Variants in ZNF704 observed in about 807,000 individuals in gnomAD.
ZNF704 encodes the protein zinc finger protein 704, also known as glucocorticoid induced gene 1.
In ZNF704, 10 loss-of-function variants were observed where a neutral mutation model predicts 44.7. The observed-to-expected ratio is 0.22, with a 90% CI of 0.14 to 0.38. The LOEUF is 0.38. Ranked by LOEUF, ZNF704 falls within the 10% of genes least tolerant of loss-of-function variation. The pLI is 1.00. For missense variants in ZNF704, 390 were observed against 545.5 expected (o/e 0.71, Z 2.84); for synonymous variants, 211 against 207.6 (o/e 1.02, Z -0.14).
intron 1 of ZNF704, among the ~76,000 whole-genome samples, chr8:80,823,597 G>A (rs1166521021): frequency 1.3e-5 from 2 of 152,208 alleles, no homozygotes; most frequent in Non-Finnish European, 2.9e-5. Context: ...CGGAGTGTGA[G>A]ATCTGCAAAC....
rs1415758752 is a variant in ZNF704 at position 80,628,757 on chromosome 8, C to T, written c.*12609G>A. The T allele has an allele frequency of 2.6e-5, 4 of 152,182 alleles. No individual in the cohort carries two copies. Among genetic ancestry groups the T allele is most frequent in the African/African-American group, 7.2e-5 (3 of 41,450 alleles). The allele number at this position is 152,182 out of a possible 1,614,324, so 9.4% of individuals were successfully genotyped here. On this transcript the variant is annotated 3_prime_UTR_variant, in exon 9 of 9. Transcript: ENST00000327835. ...TTACTAAAGTGATTCTGACTATAAG[C>T]CTTTTCTTCTACTTAAATGCTTCCA...
intron 2 of ZNF704, among the ~76,000 whole-genome samples, chr8:80,792,388 C>T (rs112944229): frequency 1.3e-5 from 2 of 152,138 alleles, no homozygotes; most frequent in Admixed American, 6.5e-5. Context: ...ATACACAAGG[C>T]TTGGCTACAG....
intron 1 of ZNF704, among the ~76,000 whole-genome samples, chr8:80,862,778 A>G (rs141766550): frequency 0.053 from 7,790 of 148,128 alleles, 226 homozygotes; most frequent in Middle Eastern, 0.13. Flanking sequence ...AAAAAAAAAA[A>G]AAAAAAAAAA....
intron 1 of ZNF704, among the ~76,000 whole-genome samples, chr8:80,852,799 C>A (rs1174157453): frequency 6.6e-6 from 1 of 152,146 alleles, no homozygotes. Flanking sequence ...ATTTATGTTT[C>A]TCACTGAATT....
At chr8:80,798,939 AC>A (rs1807854927) in intron 2 of ZNF704, among the ~76,000 whole-genome samples, 2 of 152,184 alleles carry the variant, frequency 1.3e-5, no homozygotes, top group Non-Finnish European at 2.9e-5. Flanking sequence ...GGAACTCTTT[AC>A]AGAGTCCCAA....
chr8:80,717,249 C>T (rs1468245204), intron 2 of ZNF704, among the ~76,000 whole-genome samples: 5 of 152,220 alleles, frequency 3.3e-5, no homozygotes, highest in African/African-American at 1.2e-4. Flanking sequence ...CTCTGCCACA[C>T]CACCATTCAC....
intron 2 of ZNF704, among the ~76,000 whole-genome samples, chr8:80,780,531 G>T (rs1807505455): frequency 6.6e-6 from 1 of 152,054 alleles, no homozygotes; most frequent in Non-Finnish European, 1.5e-5. Flanking sequence ...GGTCTTTGTA[G>T]CTTTGCTGAT....
chr8:80,734,123 T>C (rs893101040), intron 2 of ZNF704, among the ~76,000 whole-genome samples: 4 of 152,324 alleles, frequency 2.6e-5, no homozygotes, highest in Admixed American at 2.0e-4. Flanking sequence ...GAAACCACTA[T>C]TGATAGAAAC....
chr8:80,709,491 G>C (rs920432175), intron 2 of ZNF704, among the ~76,000 whole-genome samples: 27 of 138,388 alleles, frequency 2.0e-4, no homozygotes, highest in African/African-American at 7.0e-4. Flanking sequence ...TGGCATGTCA[G>C]TTTGACTCTT....
At chr8:80,796,655 T>G (rs1807805507) in intron 2 of ZNF704, among the ~76,000 whole-genome samples, 1 of 152,110 alleles carries the variant, frequency 6.6e-6, no homozygotes, top group Non-Finnish European at 1.5e-5. Flanking sequence ...AGTTATCTAC[T>G]TCCAAGATAC....
intron 4 of ZNF704, among the ~76,000 whole-genome samples, chr8:80,682,184 G>A (rs1818464381): frequency 6.6e-6 from 1 of 152,156 alleles, no homozygotes; most frequent in Non-Finnish European, 1.5e-5. Context: ...AGGGTTTTAC[G>A]GGTTTGTTTT....
the ZNF704 span, among the ~76,000 whole-genome samples, chr8:80,880,790 G>A: frequency 6.6e-6 from 1 of 152,276 alleles, no homozygotes; most frequent in Middle Eastern, 3.4e-3. Flanking sequence ...TTTCACAAAA[G>A]ACACCATTAA....
chr8:80,861,615 C>G (rs894753247), intron 1 of ZNF704, among the ~76,000 whole-genome samples: 1 of 151,996 alleles, frequency 6.6e-6, no homozygotes, highest in Non-Finnish European at 1.5e-5. Context: ...GAGACAGAGA[C>G]AGACAGAGAA....
intron 7 of ZNF704, 144 bp downstream of exon 7, chr8:80,659,441 G>A: frequency 1.4e-6 from 1 of 700,552 alleles, no homozygotes; most frequent in Non-Finnish European, 2.5e-6. Context: ...ATCTGCTGAT[G>A]AGTTTACAAA....
At position 80,634,802 on chromosome 8, in the gene ZNF704, T is replaced by C. The variant is rs968300673; in HGVS notation, c.*6564A>G. 5 of 152,176 alleles carry C rather than the reference T, an allele frequency of 3.3e-5. No individual in the cohort carries two copies. The highest frequency in any genetic ancestry group is 7.3e-5 in the Non-Finnish European group (5 of 68,036). 9.4% of individuals were successfully genotyped at this position (152,176 alleles called of 1,614,324 possible). On this transcript the variant is annotated 3_prime_UTR_variant, in exon 9 of 9. Transcript: ENST00000327835. ...ACTGACATTTGCAACCTCTCCTATA[T>C]AGAATTAGGAATCTTTTGGAAATGA...
chr8:80,844,600 T>C (rs962182747), intron 1 of ZNF704, among the ~76,000 whole-genome samples: 1 of 152,208 alleles, frequency 6.6e-6, no homozygotes, highest in Non-Finnish European at 1.5e-5. Flanking sequence ...CAGGTGGCTT[T>C]ACCATTACAC....
intron 1 of ZNF704, among the ~76,000 whole-genome samples, chr8:80,842,330 A>G (rs1432052915): frequency 6.6e-6 from 1 of 152,190 alleles, no homozygotes; most frequent in Non-Finnish European, 1.5e-5. Flanking sequence ...GGAAATACCT[A>G]GTAAAGTAAC....
At chr8:80,684,494 A>G (rs1818502837) in intron 4 of ZNF704, among the ~76,000 whole-genome samples, 2 of 152,240 alleles carry the variant, frequency 1.3e-5, no homozygotes, top group South Asian at 4.1e-4. Flanking sequence ...CCCACAGAAC[A>G]AGTGACTATC....
intron 2 of ZNF704, among the ~76,000 whole-genome samples, chr8:80,717,464 CA>C (rs1243654646): frequency 6.6e-6 from 1 of 152,218 alleles, no homozygotes; most frequent in East Asian, 1.9e-4. Flanking sequence ...TTCCGTAACT[CA>C]ATTTTCTCAA....
Sources: allele counts gnomAD v4.1 joint callset (sites outside exome capture counted in the v4.1 genomes callset), GRCh38; gene constraint gnomAD v4.1.1; transcripts MANE v1.5; gene names NCBI Gene and HGNC (gene_info 2026-07-23, HGNC 2026-07-21).